DST: variants seen among roughly 807,000 people sequenced by gnomAD.
The protein encoded by DST is dystonin.
DST carries 253 observed loss-of-function variants against 875.2 expected under a neutral mutation model. The ratio of observed to expected loss-of-function variants is 0.29; its 90% CI spans 0.26 to 0.32. The LOEUF (loss-of-function observed/expected upper bound fraction) is 0.32, where lower values mean the gene tolerates loss of function less well. Among genes scored for constraint, DST ranks in the 10% least tolerant of loss-of-function variants. DST has a pLI of 1.00. For synonymous variants in DST, 3,124 were observed against 3,197.1 expected (o/e 0.98, Z 0.77); for missense variants, 8,287 against 9,111.6 (o/e 0.91, Z 3.68).
Position 56,527,682 on chromosome 6 carries a change from G to A in DST, c.17733C>T (p.Tyr5911=). ...QDKLEAIKAR[Y]KDITKLSTDV... Reference sequence around the variant, plus strand: ...CAGTGCTCAGTTTAGTAATGTCTTTGTACCTTGCTTTAATGGCTTCCAATT... The same window carrying A: ...CAGTGCTCAGTTTAGTAATGTCTTTATACCTTGCTTTAATGGCTTCCAATT... The change falls in exon 68 of 104, where the codon TAC becomes TAT. Residue 5911 remains tyrosine (Y), a synonymous_variant. Coordinates refer to ENST00000680361, the MANE Select transcript of DST (RefSeq NM_001374736.1). 1 of 1,612,756 alleles carries A rather than the reference G, an allele frequency of 6.2e-7. No individual in the cohort carries two copies. The highest frequency in any genetic ancestry group is 1.1e-5 in the South Asian group (1 of 90,844).
At chr6:56,708,203 G>C (rs1020443675) in intron 5 of DST, among the ~76,000 whole-genome samples, 7 of 151,872 alleles carry the variant, frequency 4.6e-5, no homozygotes, top group Non-Finnish European at 1.0e-4. Context: ...TAGGCTTCAG[G>C]GTTTTTTTTA....
At chr6:56,897,305 T>TTG (rs1491555613) in intron 3 of DST, among the ~76,000 whole-genome samples, 5 of 137,078 alleles carry the variant, frequency 3.6e-5, no homozygotes, top group African/African-American at 1.1e-4. Flanking sequence ...GGTTTTTTTT[T>TTG]GGGGGGGGGG....
At chr6:56,707,481 G>A (rs1217968803) in intron 5 of DST, among the ~76,000 whole-genome samples, 2 of 152,144 alleles carry the variant, frequency 1.3e-5, no homozygotes, top group African/African-American at 2.4e-5. Flanking sequence ...TGGCTTTATT[G>A]TGCAGGTCTG....
rs2097342883 is a variant in DST at position 56,552,663 on chromosome 6, A to G, written c.16129T>C (p.Leu5377=). The change falls in exon 61 of 104, where the codon TTA becomes CTA. Residue 5377 remains leucine (L), a synonymous_variant. Transcript: ENST00000680361. ...CCAATGCCCTGAAGCTTGGTTTCTA[A>G]GAAAGAACACTTTTCATCAACCTGC... ...SQQVDEKCSF[L]ETKLQGIGHF... The G allele has an allele frequency of 6.2e-7, 1 of 1,613,760 alleles. No individual in the cohort carries two copies. The highest frequency in any genetic ancestry group is 1.1e-5 in the South Asian group (1 of 91,076).
intron 97 of DST, among the ~76,000 whole-genome samples, chr6:56,469,367 T>G (rs993526725): frequency 9.5e-5 from 14 of 148,134 alleles, no homozygotes; most frequent in Non-Finnish European, 1.9e-4. Flanking sequence ...AAAAAAAAAA[T>G]AGAGAAAGAG....
intron 44 of DST, 51 bp from the exon 45 acceptor site, chr6:56,600,272 C>T (rs2098434360): frequency 7.1e-6 from 11 of 1,558,172 alleles, no homozygotes; most frequent in South Asian, 2.3e-5. Flanking sequence ...GTCACAAAAT[C>T]GCTATTGTGA....
Position 56,601,576 on chromosome 6 carries a change from T to C in DST, c.11408A>G (p.Asn3803Ser), listed in dbSNP as rs1586259526. 6.9e-6 allele frequency: 11 copies of C among 1,602,958 alleles called. No homozygotes were observed. The highest frequency in any genetic ancestry group is 1.1e-5 in the South Asian group (1 of 89,200). The change falls in exon 44 of 104, where the codon AAC (asparagine) becomes AGC (serine). Residue 3803 changes from asparagine to serine, a missense_variant. Asn to Ser is a conservative substitution (Grantham distance 46, BLOSUM62 1). Transcript: ENST00000680361. ...ISEYAQDLSP[N>S]QSKQLLRLLN... ...GAGCCTCAGCAGTTGTTTGCTTTGG[T>C]TGGGAGACAGATCCTGTGCATATTC... is the stretch of plus-strand genomic sequence containing the variant.
intron 89 of DST, 183 bp downstream of exon 89, chr6:56,482,500 G>T: frequency 3.3e-6 from 2 of 597,994 alleles, no homozygotes; most frequent in Non-Finnish European, 5.5e-6. Flanking sequence ...CCTCCCTCTA[G>T]CAGTAATTTA....
chr6:56,814,547 T>C (rs1220718849), intron 4 of DST, among the ~76,000 whole-genome samples: 2 of 152,184 alleles, frequency 1.3e-5, no homozygotes, highest in Non-Finnish European at 2.9e-5. Flanking sequence ...AACACTTAAT[T>C]TGAGGCATCT....
At chr6:56,518,222 A>G (rs139107242) in intron 69 of DST, among the ~76,000 whole-genome samples, 16 of 152,324 alleles carry the variant, frequency 1.1e-4, no homozygotes, top group African/African-American at 3.6e-4. Flanking sequence ...ATTTTAATAA[A>G]TGTTATTTTC....
In DST at chr6:56,471,160, C is replaced by T. The variant is rs1393899411; in HGVS notation, c.22267G>A (p.Asp7423Asn). 8.1e-6 allele frequency: 13 copies of T among 1,610,470 alleles called. No individual in the cohort carries two copies. The highest frequency in any genetic ancestry group is 1.1e-5 in the Non-Finnish European group (13 of 1,178,216). The stretch of plus-strand genomic sequence containing the variant: ...TGCCGCGTTATTTTCCCATCCTGGT[C>T]TTTATCAATTCTCCTGAAGAAGTCC... ...VMDFFRRIDK[D>N]QDGKITRQEF... Residue 7423 changes from aspartate (D) to asparagine (N), a missense_variant, in exon 95 of 104, where the codon GAC (aspartate) becomes AAC (asparagine). This residue lies in a region of DST where 87 missense variants were observed against 209.7 expected (regional missense o/e 0.41). Coordinates refer to ENST00000680361, the MANE Select transcript of DST (RefSeq NM_001374736.1).
rs1233676425 is a variant in DST, at chr6:56,517,631, G to C, written c.18130-11C>G. The C allele has an allele frequency of 2.5e-6, 4 of 1,610,458 alleles. No homozygotes were observed. The highest frequency in any genetic ancestry group is 1.1e-5 in the South Asian group (1 of 90,474). ...AGCTGCTTGGTCAAACTAAACAAAA[G>C]ATAAATAATTAGGTCAGCACGTTCC... is the stretch of plus-strand genomic sequence containing the variant. On this transcript the variant is annotated splice_polypyrimidine_tract_variant and intron_variant, in intron 69 of 103. Transcript: ENST00000680361.
intron 4 of DST, among the ~76,000 whole-genome samples, chr6:56,783,069 T>G (rs2099697466): frequency 6.6e-6 from 1 of 152,214 alleles, no homozygotes; most frequent in South Asian, 2.1e-4. Flanking sequence ...TCTAGTTTGA[T>G]TGCACTGTGG....
chr6:56,785,570 C>T (rs1214780937), intron 4 of DST, among the ~76,000 whole-genome samples: 1 of 152,174 alleles, frequency 6.6e-6, no homozygotes, highest in African/African-American at 2.4e-5. Flanking sequence ...TGGAAAAGCG[C>T]AGTATTCGGG....
intron 2 of DST, among the ~76,000 whole-genome samples, chr6:56,935,873 C>T (rs1025668217): frequency 1.3e-5 from 2 of 151,396 alleles, no homozygotes; most frequent in Non-Finnish European, 2.9e-5. Context: ...TGCAGTGAGC[C>T]GAGATCACAC....
intron 2 of DST, among the ~76,000 whole-genome samples, chr6:56,903,471 T>A (rs561220644): frequency 2.8e-4 from 42 of 152,240 alleles, no homozygotes; most frequent in African/African-American, 4.1e-4. Context: ...TATAAAAAAA[T>A]TTTTTTGAGA....
chr6:56,611,662 AAAAAG>A (rs1419024987), intron 37 of DST, 66 bp from the exon 38 acceptor site: 1 of 1,153,358 alleles, frequency 8.7e-7, no homozygotes, highest in East Asian at 2.5e-5. Flanking sequence ...TTTTTTTAAA[AAAAAG>A]AAATTAATCA....
intron 69 of DST, among the ~76,000 whole-genome samples, chr6:56,524,157 T>C (rs1209135246): frequency 6.6e-6 from 1 of 152,148 alleles, no homozygotes. Context: ...CCTTATAAAA[T>C]ATTTCAGGGA....
At chr6:56,558,461 T>C (rs2097467555) in intron 58 of DST, among the ~76,000 whole-genome samples, 1 of 152,104 alleles carries the variant, frequency 6.6e-6, no homozygotes, top group Non-Finnish European at 1.5e-5. Context: ...TCTGGAGTAG[T>C]ATCTGAAATT....
Sources: allele counts gnomAD v4.1 joint callset (sites outside exome capture counted in the v4.1 genomes callset), GRCh38; gene constraint gnomAD v4.1.1; regional missense constraint gnomAD v4.1.1; transcripts MANE v1.5; gene names NCBI Gene and HGNC (gene_info 2026-07-23, HGNC 2026-07-21).